The following KCNQ1 variants were observed in gnomAD, a reference collection of about 807,000 sequenced individuals.
KCNQ1 encodes potassium voltage-gated channel subfamily KQT member 1.
In KCNQ1, 49 loss-of-function variants were observed where a neutral mutation model predicts 72.4. That is an observed-to-expected ratio of 0.68 (90% CI 0.54 to 0.86). The LOEUF is 0.86. Ranked by LOEUF, KCNQ1 falls within the 40% of genes least tolerant of loss-of-function variation. KCNQ1 has a pLI of 0.00. For synonymous variants in KCNQ1, 450 were observed against 412.6 expected (o/e 1.09, Z -1.10); for missense variants, 790 against 945.1 (o/e 0.84, Z 2.15).
Position 2,677,626 on chromosome 11 carries a change from C to T in KCNQ1, c.1514+15545C>T. 2.5e-6 allele frequency: 1 copy of T among 398,520 alleles called. No individual in the cohort carries two copies. Among genetic ancestry groups the T allele is most frequent in the East Asian group, 3.6e-5 (1 of 28,074 alleles). 24.7% of individuals were successfully genotyped at this position (398,520 alleles called of 1,614,324 possible). A position where few individuals can be genotyped will look rare whatever the true frequency, so the allele number is the denominator to read the frequency against. On this transcript the variant is annotated intron_variant, in intron 11 of 15. Transcript: ENST00000155840. The surrounding 1 kb of genome is among the most constrained non-coding windows in gnomAD (Gnocchi z 4.5). ...GATTTGTTTTTTTCTAAAACGTGTA[C>T]ATAATTGTAACTCTAACAACTGTTA...
intron 11 of KCNQ1, among the ~76,000 whole-genome samples, chr11:2,736,705 C>T (rs1473555214): frequency 6.6e-6 from 1 of 152,250 alleles, no homozygotes; most frequent in Non-Finnish European, 1.5e-5. Context: ...AGGTGTGGCC[C>T]AGAGCAAAGG....
In KCNQ1 at chr11:2,720,508, GGAGAGGGACCCAGGGCTGACCAGA is replaced by G. The variant is rs1056053413; in HGVS notation, c.1515-48334_1515-48311del. On this transcript the variant is annotated intron_variant, in intron 11 of 15. Coordinates refer to ENST00000155840, the MANE Select transcript of KCNQ1 (RefSeq NM_000218.3). The surrounding 1 kb of genome is among the most constrained non-coding windows in gnomAD (Gnocchi z 5.1). ...GCTCACCTGGCCTCTCTCTGTAAGGGGAGAGGGACCCAGGGCTGACCAGAGCAAGCAGTGTGCCATTAACCCCTA... is the reference window on the plus strand; with the variant it reads ...GCTCACCTGGCCTCTCTCTGTAAGGGGCAAGCAGTGTGCCATTAACCCCTA... Among the ~76,000 whole-genome samples, 1 of 152,152 alleles carries G rather than the reference GGAGAGGGACCCAGGGCTGACCAGA, an allele frequency of 6.6e-6. No homozygotes were observed. The highest frequency in any genetic ancestry group is 2.4e-5 in the African/African-American group (1 of 41,438).
intron 10 of KCNQ1, among the ~76,000 whole-genome samples, chr11:2,604,320 A>G (rs954940680): frequency 8.6e-5 from 13 of 151,560 alleles, no homozygotes; most frequent in East Asian, 4.1e-4. Flanking sequence ...TCTACTAAAA[A>G]TACAAAAATT....
chr11:2,628,871 T>C, intron 10 of KCNQ1: 1 of 398,402 alleles, frequency 2.5e-6, no homozygotes, highest in Non-Finnish European at 4.4e-6. Context: ...TTCAAGAGAG[T>C]ACCCTTTCCC....
At position 2,653,962 on chromosome 11, in the gene KCNQ1, C is replaced by T. The variant is rs758690242; in HGVS notation, c.1394-7999C>T. ...GGCAGGCAAAAACAACAGGTGTCCACTCAAGCAAGGTATTTTCCTAAGCGG... is the reference window on the plus strand; with the variant it reads ...GGCAGGCAAAAACAACAGGTGTCCATTCAAGCAAGGTATTTTCCTAAGCGG... On this transcript the variant is annotated intron_variant, in intron 10 of 15. Transcript: ENST00000155840. The surrounding 1 kb of genome is among the most constrained non-coding windows in gnomAD (Gnocchi z 5.3). 9 of 398,580 alleles carry T rather than the reference C, an allele frequency of 2.3e-5. No homozygotes were observed. Among genetic ancestry groups the T allele is most frequent in the African/African-American group, 4.1e-5 (2 of 48,638 alleles). 24.7% of individuals were successfully genotyped at this position (398,580 alleles called of 1,614,324 possible). A position where few individuals can be genotyped will look rare whatever the true frequency, so the allele number is the denominator to read the frequency against.
At chr11:2,821,229 G>A (rs956163548) in intron 15 of KCNQ1, among the ~76,000 whole-genome samples, 3 of 152,228 alleles carry the variant, frequency 2.0e-5, no homozygotes, top group Non-Finnish European at 2.9e-5. Flanking sequence ...TGCGAGTCCC[G>A]TTTCCTCGCC....
In KCNQ1 at chr11:2,562,101, C is replaced by A. The variant is rs2133711411; in HGVS notation, c.478-8527C>A. Among the ~76,000 whole-genome samples, 2 of 152,170 alleles carry A rather than the reference C, an allele frequency of 1.3e-5. No individual in the cohort carries two copies. The highest frequency in any genetic ancestry group is 6.8e-3 in the Middle Eastern group (2 of 294). On this transcript the variant is annotated intron_variant, in intron 2 of 15. Transcript: ENST00000155840. This position sits in a 1 kb window ranked among gnomAD's most constrained non-coding sequence, Gnocchi z 7.5. Reference sequence around the variant, plus strand: ...ACAGGGCAGCCGGACCCCGACTGTGCCACCCTCAGCCCAGTGGATGGTGCA... The same window carrying A: ...ACAGGGCAGCCGGACCCCGACTGTGACACCCTCAGCCCAGTGGATGGTGCA...
rs930770959 is a variant in KCNQ1 at position 2,759,005 on chromosome 11, G to A, written c.1515-9839G>A. 1.3e-5 allele frequency among the ~76,000 whole-genome samples: 2 copies of A among 152,104 alleles called. No homozygotes were observed. The highest frequency in any genetic ancestry group is 2.4e-5 in the African/African-American group (1 of 41,390). The stretch of plus-strand genomic sequence containing the variant: ...ACGTGTGAACACAAGGCAGAGCCAC[G>A]CACACTGTACCAATGTCAATCTCCT... On this transcript the variant is annotated intron_variant, in intron 11 of 15. Transcript: ENST00000155840. The surrounding 1 kb of genome is among the most constrained non-coding windows in gnomAD (Gnocchi z 4.4).
At chr11:2,569,667 C>T (rs779011296) in intron 2 of KCNQ1, among the ~76,000 whole-genome samples, 3 of 152,220 alleles carry the variant, frequency 2.0e-5, no homozygotes, top group South Asian at 2.1e-4. Context: ...AAGGGCCTCC[C>T]GTACACCCCG....
Position 2,541,624 on chromosome 11 carries a change from C to T in KCNQ1, c.477+13606C>T, listed in dbSNP as rs181498612. On this transcript the variant is annotated intron_variant, in intron 2 of 15. Transcript: ENST00000155840. This position sits in a 1 kb window ranked among gnomAD's most constrained non-coding sequence, Gnocchi z 4.8. ...CTTGTGAGCAGGGCTTTGTCCCCACCGTTAGGATACTCTGAACGTTCCCAG... is the reference window on the plus strand; with the variant it reads ...CTTGTGAGCAGGGCTTTGTCCCCACTGTTAGGATACTCTGAACGTTCCCAG... 1.6e-3 allele frequency among the ~76,000 whole-genome samples: 246 copies of T among 151,800 alleles called. 2 individuals are homozygous for T. Among genetic ancestry groups the T allele is most frequent in the Admixed American group, 0.012 (189 of 15,264 alleles).
intron 10 of KCNQ1, chr11:2,609,004 T>C: frequency 2.5e-6 from 1 of 398,488 alleles, no homozygotes; most frequent in Non-Finnish European, 4.4e-6. Flanking sequence ...TTGTTGACTT[T>C]ATTATTTTTA....
At chr11:2,718,845 C>A (rs1046316124) in intron 11 of KCNQ1, among the ~76,000 whole-genome samples, 3 of 152,228 alleles carry the variant, frequency 2.0e-5, no homozygotes, top group Admixed American at 6.5e-5. Context: ...GCTAGGCAGG[C>A]ATCCCGGGTC....
Position 2,488,107 on chromosome 11 carries a change from T to C in KCNQ1, c.387-39821T>C, listed in dbSNP as rs1018023085. On this transcript the variant is annotated intron_variant, in intron 1 of 15. Transcript: ENST00000155840. The surrounding 1 kb of genome is among the most constrained non-coding windows in gnomAD (Gnocchi z 5.1). ...TTTTGTCAAATGCTTTTTGTATCAA[T>C]TGAGATCATGTGATCATGTGAGTGT... 6.6e-6 allele frequency among the ~76,000 whole-genome samples: 1 copy of C among 152,200 alleles called. No homozygotes were observed. Among genetic ancestry groups the C allele is most frequent in the Non-Finnish European group, 1.5e-5 (1 of 68,018 alleles).
At position 2,536,310 on chromosome 11, in the gene KCNQ1, C is replaced by T. The variant is rs1320591662; in HGVS notation, c.477+8292C>T. ...TACTTGGTGATAAACACACCATCCG[C>T]ACTGCCTGCGGCTCTTACAGGAGTC... On this transcript the variant is annotated intron_variant, in intron 2 of 15. Coordinates refer to ENST00000155840, the MANE Select transcript of KCNQ1 (RefSeq NM_000218.3). This position sits in a 1 kb window ranked among gnomAD's most constrained non-coding sequence, Gnocchi z 7.4. Among the ~76,000 whole-genome samples, 1 of 152,222 alleles carries T rather than the reference C, an allele frequency of 6.6e-6. No homozygotes were observed. The highest frequency in any genetic ancestry group is 2.4e-5 in the African/African-American group (1 of 41,456).
chr11:2,487,114 C>T (rs1434938632), intron 1 of KCNQ1, among the ~76,000 whole-genome samples: 1 of 152,144 alleles, frequency 6.6e-6, no homozygotes, highest in Non-Finnish European at 1.5e-5. Context: ...TTCCCAGCAC[C>T]ATTTGTTGAA....
chr11:2,729,088 C>T (rs947728560), intron 11 of KCNQ1, among the ~76,000 whole-genome samples: 3 of 152,230 alleles, frequency 2.0e-5, no homozygotes, highest in Non-Finnish European at 4.4e-5. Context: ...CTGCCCCAGG[C>T]GGGCACAAAG....
rs2056892 is a variant in KCNQ1, at chr11:2,752,241, C to A, written c.1515-16603C>A. 0.47 allele frequency among the ~76,000 whole-genome samples: 71,894 copies of A among 151,544 alleles called. 17,370 individuals are homozygous for A. Among genetic ancestry groups the A allele is most frequent in the Middle Eastern group, 0.55 (162 of 294 alleles). ...GGTTGATTTTAGCTTCACAGGTGAT[C>A]TGAACCCAGCTGAGTGGCTTCCATG... On this transcript the variant is annotated intron_variant, in intron 11 of 15. Transcript: ENST00000155840. The surrounding 1 kb of genome is among the most constrained non-coding windows in gnomAD (Gnocchi z 5.2).
intron 10 of KCNQ1, chr11:2,619,264 A>C: frequency 2.5e-6 from 1 of 398,504 alleles, no homozygotes; most frequent in Non-Finnish European, 4.4e-6. Flanking sequence ...GGTTCATAGT[A>C]GAAGGGCTTC....
chr11:2,699,757 C>T (rs927524070), intron 11 of KCNQ1: 14 of 290,178 alleles, frequency 4.8e-5, no homozygotes, highest in East Asian at 3.7e-4. Flanking sequence ...CCCAGAAGAG[C>T]GCCGCGCTGA....
Sources: gnomAD v4.1 joint callset for allele counts (sites outside exome capture counted in the v4.1 genomes callset) on GRCh38, gnomAD v4.1.1 for gene constraint, Gnocchi (gnomAD v3.1) non-coding constraint, MANE v1.5 for transcripts, NCBI Gene and HGNC (gene_info 2026-07-23, HGNC 2026-07-21) for gene names.